The following DCHS2 variants were observed in gnomAD, a reference collection of about 807,000 sequenced individuals.
DCHS2 encodes the protein dachsous cadherin-related 2.
A neutral mutation model predicts 182.4 loss-of-function variants in DCHS2; 142 were observed. The observed-to-expected ratio is 0.78, with a 90% CI of 0.68 to 0.89. DCHS2 has a LOEUF of 0.89. Ranked by LOEUF, DCHS2 falls within the 40% of genes least tolerant of loss-of-function variation. The pLI is 0.00. For missense variants in DCHS2, 4,319 were observed against 4,198.6 expected (o/e 1.03, Z -0.79); for synonymous variants, 1,740 against 1,663.3 (o/e 1.05, Z -1.12).
At chr4:154,357,343 C>G (rs1172300175) in intron 3 of DCHS2, 2 of 1,534,862 alleles carry the variant, frequency 1.3e-6, no homozygotes, top group African/African-American at 1.4e-5. Flanking sequence ...GGAAAAGGAG[C>G]CAGGCTGGTG....
intron 1 of DCHS2, among the ~76,000 whole-genome samples, chr4:154,405,991 G>GGT (rs1207833979): frequency 6.6e-6 from 1 of 152,224 alleles, no homozygotes; most frequent in Non-Finnish European, 1.5e-5. Context: ...TTATTGCTAA[G>GGT]GTGTGGGTTT....
At position 154,332,602 on chromosome 4, in the gene DCHS2, C is replaced by T; in HGVS notation, c.3606G>A (p.Glu1202=). The T allele has an allele frequency of 1.2e-6, 2 of 1,614,212 alleles. No individual in the cohort carries two copies. The highest frequency in any genetic ancestry group is 1.7e-6 in the Non-Finnish European group (2 of 1,180,038). The change falls in exon 5 of 20, where the codon GAG becomes GAA. Residue 1202 remains glutamate (E), a synonymous_variant. Coordinates refer to ENST00000357232, the MANE Select transcript of DCHS2 (RefSeq NM_001358235.2). Reference sequence around the variant, plus strand: ...CTATTACCCCTTGGGGAACAGGGCTCTCTTCGACTTTCAAAAACAACACAT... The same window carrying T: ...CTATTACCCCTTGGGGAACAGGGCTTTCTTCGACTTTCAAAAACAACACAT... ...LHDVLFLKVE[E]SPVPQGVIGK...
At chr4:154,291,424 T>C (rs1397189861) in intron 13 of DCHS2, among the ~76,000 whole-genome samples, 1 of 152,122 alleles carries the variant, frequency 6.6e-6, no homozygotes, top group Non-Finnish European at 1.5e-5. Context: ...TATCATATGA[T>C]CCAGCAATTG....
chr4:154,346,572 C>T (rs1362516246), intron 3 of DCHS2, among the ~76,000 whole-genome samples: 1 of 149,832 alleles, frequency 6.7e-6, no homozygotes, highest in Admixed American at 6.6e-5. Flanking sequence ...TGAATTCTAC[C>T]TAATTGCCCA....
At chr4:154,384,523 C>A in intron 1 of DCHS2, 2 of 1,551,132 alleles carry the variant, frequency 1.3e-6, no homozygotes, top group African/African-American at 2.7e-5. Context: ...ATGTTCTAAT[C>A]CCCAGAACCT....
rs7695062 is a variant in DCHS2, at chr4:154,291,608, C to T, written c.6463+6243G>A. ...TACATATACACAATAGAGTAGCATC[C>T]GGCCATAAAAAAAGAATGAGACCCA... is the stretch of plus-strand genomic sequence containing the variant. On this transcript the variant is annotated intron_variant, in intron 13 of 19. Transcript: ENST00000357232. Among the ~76,000 whole-genome samples, 770 of 152,022 alleles carry T rather than the reference C, an allele frequency of 5.1e-3. 6 individuals are homozygous for T. Among genetic ancestry groups the T allele is most frequent in the African/African-American group, 0.018 (739 of 41,474 alleles).
Position 154,241,858 on chromosome 4 carries a change from T to C in DCHS2, c.7072+784A>G, listed in dbSNP as rs529692319. On this transcript the variant is annotated intron_variant, in intron 17 of 19. Transcript: ENST00000357232. ...GTTGTAATATTTGTAGATATCTCTA[T>C]GCATAGACATGTCTGGAATATTTCC... Among the ~76,000 whole-genome samples the C allele has an allele frequency of 6.6e-5, 10 of 152,328 alleles. No individual in the cohort carries two copies. In the South Asian group the frequency reaches 1.2e-3, roughly 19 times the overall value.
chr4:154,430,101 C>T (rs964535763), intron 1 of DCHS2, among the ~76,000 whole-genome samples: 3 of 152,160 alleles, frequency 2.0e-5, no homozygotes, highest in Admixed American at 1.3e-4. Context: ...GTCCTTAGCA[C>T]TTTGGGACCT....
chr4:154,238,164 G>GA (rs767130068), intron 19 of DCHS2, among the ~76,000 whole-genome samples: 1 of 150,642 alleles, frequency 6.6e-6, no homozygotes, highest in Admixed American at 6.7e-5. Flanking sequence ...GACGGTGGGG[G>GA]GGTGGGGTGG....
intron 1 of DCHS2, among the ~76,000 whole-genome samples, chr4:154,473,523 G>T (rs149621188): frequency 5.4e-4 from 2 of 3,678 alleles, no homozygotes; most frequent in East Asian, 0.33. Flanking sequence ...TTTTTGGTGC[G>T]CCTTGCCCAA....
chr4:154,330,580 A>G (rs1326281874), intron 5 of DCHS2, among the ~76,000 whole-genome samples: 1 of 152,206 alleles, frequency 6.6e-6, no homozygotes, highest in Non-Finnish European at 1.5e-5. Flanking sequence ...TTATGAAAAA[A>G]AAATGTACCT....
chr4:154,351,177 G>GTTTT (rs1729593373), intron 3 of DCHS2, among the ~76,000 whole-genome samples: 1 of 152,148 alleles, frequency 6.6e-6, no homozygotes, highest in African/African-American at 2.4e-5. Context: ...TGGGAAAAAG[G>GTTTT]GGGCAATTGA....
chr4:154,423,708 A>G (rs1210095616), intron 1 of DCHS2, among the ~76,000 whole-genome samples: 1 of 152,202 alleles, frequency 6.6e-6, no homozygotes, highest in Non-Finnish European at 1.5e-5. Flanking sequence ...CTAGGAATAT[A>G]CCCTCAAATT....
At chr4:154,416,192 G>A (rs1343490703) in intron 1 of DCHS2, among the ~76,000 whole-genome samples, 1 of 152,102 alleles carries the variant, frequency 6.6e-6, no homozygotes, top group African/African-American at 2.4e-5. Context: ...TGAAAGTTGG[G>A]GAGATCCCAC....
rs770851206 is a variant in DCHS2, at chr4:154,322,369, C to A, written c.4138G>T (p.Val1380Leu). 1 of 1,613,802 alleles carries A rather than the reference C, an allele frequency of 6.2e-7. No individual in the cohort carries two copies. The highest frequency in any genetic ancestry group is 8.5e-7 in the Non-Finnish European group (1 of 1,179,798). Residue 1380 changes from valine (V) to leucine (L), a missense_variant, in exon 8 of 20, where the codon GTG becomes TTG. Transcript: ENST00000357232. ...ACTGCCTGTCCTTGAAGAGGAGGCA[C>A]TCCCTGGTCAGTGGCAATGACACTC... Reference protein sequence around the residue: ...RMSVIATDQGVPPLQGQAVVN... With the variant: ...RMSVIATDQGLPPLQGQAVVN...
chr4:154,372,540 G>A (rs1730690763), intron 2 of DCHS2, among the ~76,000 whole-genome samples: 1 of 152,078 alleles, frequency 6.6e-6, no homozygotes, highest in South Asian at 2.1e-4. Flanking sequence ...ACATATGTCA[G>A]CTACAGAATC....
At chr4:154,264,926 A>T (rs776472880) in intron 14 of DCHS2, among the ~76,000 whole-genome samples, 3 of 152,166 alleles carry the variant, frequency 2.0e-5, no homozygotes, top group Non-Finnish European at 4.4e-5. Context: ...AAAGCATGTA[A>T]ATTGATATAG....
chr4:154,465,786 G>A (rs1246951007), intron 1 of DCHS2, among the ~76,000 whole-genome samples: 1 of 152,160 alleles, frequency 6.6e-6, no homozygotes, highest in East Asian at 1.9e-4. Flanking sequence ...GTCGTTGGGG[G>A]CTATCTTAGA....
At position 154,366,201 on chromosome 4, in the gene DCHS2, A is replaced by C; in HGVS notation, c.2476+9T>G. ...GCCAAAGGATGAAAACTGTTCCAAG[A>C]TCACATACCTGTGGTGGAGTCAATG... On this transcript the variant is annotated intron_variant, in intron 3 of 19. Coordinates refer to ENST00000357232, the MANE Select transcript of DCHS2 (RefSeq NM_001358235.2). 6.2e-7 allele frequency: 1 copy of C among 1,604,274 alleles called. No homozygotes were observed. Among genetic ancestry groups the C allele is most frequent in the Non-Finnish European group, 8.5e-7 (1 of 1,171,568 alleles).
Sources: allele counts gnomAD v4.1 joint callset (sites outside exome capture counted in the v4.1 genomes callset), GRCh38; gene constraint gnomAD v4.1.1; transcripts MANE v1.5; gene names NCBI Gene and HGNC (gene_info 2026-07-23, HGNC 2026-07-21).